The following ZNF667 variants were observed in gnomAD, a reference collection of about 807,000 sequenced individuals.
ZNF667 encodes the protein zinc finger protein 667, also known as myocardial ischemic preconditioning upregulated 1 ortholog.
In ZNF667, 13 loss-of-function variants were observed where a neutral mutation model predicts 31.8. That is an observed-to-expected ratio of 0.41 (90% confidence interval 0.27 to 0.65). ZNF667 has a LOEUF of 0.65. ZNF667 is among the 30% of genes least tolerant of loss of function. ZNF667 has a pLI of 0.32. For synonymous variants in ZNF667, 228 were observed against 247.1 expected, an observed-to-expected ratio of 0.92 and a Z score of 0.73; for missense variants, 642 against 725.6, an observed-to-expected ratio of 0.88 and a Z score of 1.32.
In ZNF667 at chr19:56,441,052, G is replaced by C; in HGVS notation, c.*110C>G. The C allele has an allele frequency of 2.0e-6, 3 of 1,472,774 alleles. No individual in the cohort carries two copies. In the East Asian group the frequency reaches 6.9e-5, roughly 34 times the overall value. The allele number at this position is 1,472,774 out of a possible 1,614,324, so 91.2% of individuals were successfully genotyped here. Reference sequence around the variant, plus strand: ...CTTTTGCTCTTTGGCTTTCAAAGTGGGACATATCATCAAATGGTCCCATAT... The same window carrying C: ...CTTTTGCTCTTTGGCTTTCAAAGTGCGACATATCATCAAATGGTCCCATAT... On this transcript the variant is annotated 3_prime_UTR_variant, in exon 7 of 7. Transcript: ENST00000504904. The surrounding 1 kb of genome is among the most constrained non-coding windows in gnomAD (Gnocchi z 4.2).
At chr19:56,456,783 A>T (rs1157000379) in intron 6 of ZNF667, among the ~76,000 whole-genome samples, 1 of 152,254 alleles carries the variant, frequency 6.6e-6, no homozygotes, top group Admixed American at 6.5e-5. Flanking sequence ...CAATTTCATT[A>T]AATAAACAAG....
In ZNF667 at chr19:56,462,322, A is replaced by C. The variant is rs763883760; in HGVS notation, c.33+16T>G. On this transcript the variant is annotated intron_variant, in intron 4 of 6. Coordinates refer to ENST00000504904, the MANE Select transcript of ZNF667 (RefSeq NM_001321356.2). ...CACGATGGGGTGTTCCGGAAGGAAG[A>C]GGAATTGCCACTTACCTTGGATTTG... The C allele has an allele frequency of 1.5e-5, 24 of 1,614,092 alleles. 1 individual carries two copies. In the South Asian group the frequency reaches 2.6e-4, roughly 18 times the overall value.
intron 2 of ZNF667, 131 bp from the exon 3 acceptor site, chr19:56,472,318 A>C (rs1237688942): frequency 6.6e-6 from 1 of 152,140 alleles, no homozygotes; most frequent in Admixed American, 6.5e-5. Flanking sequence ...AAGAAAACCT[A>C]CCTCACCTCT....
chr19:56,466,012 A>G (rs996450705), intron 3 of ZNF667, among the ~76,000 whole-genome samples: 9 of 152,218 alleles, frequency 5.9e-5, no homozygotes, highest in African/African-American at 2.2e-4. Context: ...CGACGTAACC[A>G]GCTCACAATA....
At chr19:56,449,554 C>T in intron 6 of ZNF667, 1 of 271,494 alleles carries the variant, frequency 3.7e-6, no homozygotes, top group Non-Finnish European at 7.4e-6. Flanking sequence ...TAGTGGGACA[C>T]ACCTGTAATC....
At chr19:56,464,362 T>C (rs2043114127) in intron 3 of ZNF667, among the ~76,000 whole-genome samples, 1 of 151,986 alleles carries the variant, frequency 6.6e-6, no homozygotes, top group African/African-American at 2.4e-5. Flanking sequence ...AGTGTGGTGG[T>C]GTGTGCCTGT....
chr19:56,449,161 T>A (rs367862651), intron 6 of ZNF667: 25 of 295,548 alleles, frequency 8.5e-5, no homozygotes, highest in South Asian at 5.6e-4. Context: ...CTAGCCCCTT[T>A]GAATACATGG....
chr19:56,451,052 T>C (rs1477787882), intron 6 of ZNF667, among the ~76,000 whole-genome samples: 1 of 152,064 alleles, frequency 6.6e-6, no homozygotes, highest in Non-Finnish European at 1.5e-5. Context: ...GGATGAATTT[T>C]TAAAAAGACT....
Position 56,441,536 on chromosome 19 carries a change from TG to T in ZNF667, c.1458del (p.Thr487HisfsTer112), listed in dbSNP as rs1392487794. ...TCAGTATGAATTCTCTTATGTCGTG[TG>T]AGAGATATTCGGTGGCTGAAGGCTT... ...CGKAFSHRIS[L>X]TRHKRIHTED... is the part of the protein sequence containing the mutation. On this transcript the variant is annotated frameshift_variant, in exon 7 of 7. Transcript: ENST00000504904. LOFTEE classifies it high-confidence loss of function. This position sits in a 1 kb window ranked among gnomAD's most constrained non-coding sequence, Gnocchi z 4.2. The T allele has an allele frequency of 6.2e-7, 1 of 1,614,094 alleles. No individual in the cohort carries two copies. Among genetic ancestry groups the T allele is most frequent in the Non-Finnish European group, 8.5e-7 (1 of 1,180,044 alleles).
chr19:56,447,492 G>A (rs1281226508), intron 6 of ZNF667, among the ~76,000 whole-genome samples: 2 of 152,162 alleles, frequency 1.3e-5, no homozygotes, highest in African/African-American at 2.4e-5. Context: ...GGCTGAGGCA[G>A]GAGGACTGCT....
intron 3 of ZNF667, chr19:56,467,132 C>G (rs1438979300): frequency 2.2e-6 from 1 of 446,650 alleles, no homozygotes; most frequent in Non-Finnish European, 4.5e-6. Flanking sequence ...CTAATTAGCA[C>G]TGTGTGCCAT....
upstream of ZNF667, chr19:56,477,588 G>T (rs10425239): frequency 0.61 from 92,668 of 152,484 alleles, 29,017 homozygotes; most frequent in Middle Eastern, 0.73. Context: ...AGGCTGGCAC[G>T]CACACCGGTC....
At chr19:56,466,206 C>T (rs2043156353) in intron 3 of ZNF667, among the ~76,000 whole-genome samples, 1 of 152,216 alleles carries the variant, frequency 6.6e-6, no homozygotes, top group African/African-American at 2.4e-5. Context: ...GCTGATACTG[C>T]TCTGCATTTT....
rs77191078 is a variant in ZNF667, at chr19:56,476,491, C to T, written c.-662+781G>A. ...AGAAAAACGACCACCAGCACCATAACCAACACCTAAACACGGTGATTAGTA... is the reference window on the plus strand; with the variant it reads ...AGAAAAACGACCACCAGCACCATAATCAACACCTAAACACGGTGATTAGTA... On this transcript the variant is annotated intron_variant, in intron 1 of 6. Coordinates refer to ENST00000504904, the MANE Select transcript of ZNF667 (RefSeq NM_001321356.2). 7.2e-3 allele frequency among the ~76,000 whole-genome samples: 1,099 copies of T among 152,296 alleles called. 20 individuals carry two copies. The highest frequency in any genetic ancestry group is 0.024 in the African/African-American group (1,014 of 41,542).
At chr19:56,444,531 C>A (rs1192582247) in intron 6 of ZNF667, among the ~76,000 whole-genome samples, 1 of 148,034 alleles carries the variant, frequency 6.8e-6, no homozygotes, top group Non-Finnish European at 1.5e-5. Context: ...GGTGAGAAAT[C>A]CACCCCCATG....
At chr19:56,459,713 G>A (rs1383345112) in intron 5 of ZNF667, among the ~76,000 whole-genome samples, 1 of 152,092 alleles carries the variant, frequency 6.6e-6, no homozygotes, top group Non-Finnish European at 1.5e-5. Context: ...TCAAAAGAGG[G>A]CTGAGTGCGG....
At position 56,441,628 on chromosome 19, in the gene ZNF667, G is replaced by A; in HGVS notation, c.1367C>T (p.Ser456Leu). ...NKCSKVFGRQ[S>L]FLIEHQRIHT... is the part of the protein sequence containing the mutation. The stretch of plus-strand genomic sequence containing the variant: ...AATTCTTTGATGTTCAATAAGAAAT[G>A]ATTGGCGGCCGAAAACTTTACTACA... Residue 456 changes from serine (S) to leucine (L), a missense_variant, in exon 7 of 7, where the codon TCA becomes TTA. By Grantham distance (145) the Ser-to-Leu change is moderately radical. Coordinates refer to ENST00000504904, the MANE Select transcript of ZNF667 (RefSeq NM_001321356.2). The surrounding 1 kb of genome is among the most constrained non-coding windows in gnomAD (Gnocchi z 4.2). 1.9e-6 allele frequency: 3 copies of A among 1,614,042 alleles called. No homozygotes were observed. The highest frequency in any genetic ancestry group is 2.5e-6 in the Non-Finnish European group (3 of 1,179,962).
At position 56,442,056 on chromosome 19, in the gene ZNF667, C is replaced by T; in HGVS notation, c.939G>A (p.Lys313=). The change falls in exon 7 of 7, where the codon AAG becomes AAA. Residue 313 remains lysine, a synonymous_variant. Coordinates refer to ENST00000504904, the MANE Select transcript of ZNF667 (RefSeq NM_001321356.2). ...TTTGCTGTAGACTCTGACTTAAGGC[C>T]TTCGCATTTTCAGGGATTTTCTCTC... ...HAGEKIPENA[K]ALSQSLQQRS... 1.2e-6 allele frequency: 2 copies of T among 1,614,080 alleles called. No homozygotes were observed. Among genetic ancestry groups the T allele is most frequent in the Non-Finnish European group, 8.5e-7 (1 of 1,180,006 alleles).
At chr19:56,473,361 A>G (rs1221142411) in intron 2 of ZNF667, among the ~76,000 whole-genome samples, 1 of 152,104 alleles carries the variant, frequency 6.6e-6, no homozygotes, top group Non-Finnish European at 1.5e-5. Context: ...AATACGTAAC[A>G]CATTTAGAGT....
Sources: gnomAD v4.1 joint callset for allele counts (sites outside exome capture counted in the v4.1 genomes callset) on GRCh38, gnomAD v4.1.1 for gene constraint, Gnocchi (gnomAD v3.1) non-coding constraint, MANE v1.5 for transcripts, NCBI Gene and HGNC (gene_info 2026-07-23, HGNC 2026-07-21) for gene names.